CEP112: variants seen among roughly 807,000 people sequenced by gnomAD.
CEP112 encodes the protein centrosomal protein of 112 kDa.
A neutral mutation model predicts 153.0 loss-of-function variants in CEP112; 127 were observed. The ratio of observed to expected loss-of-function variants is 0.83; its 90% CI spans 0.72 to 0.96. The LOEUF (loss-of-function observed/expected upper bound fraction) is 0.96. CEP112 is among the 40% of genes least tolerant of loss of function. The probability of loss-of-function intolerance (pLI) is 0.00; values close to 1 mark genes in which losing one functional copy is unlikely to be tolerated. For missense variants in CEP112, 1,089 were observed against 1,101.2 expected (o/e 0.99, Z 0.16); for synonymous variants, 358 against 374.4 (o/e 0.96, Z 0.51).
intron 19 of CEP112, chr17:65,913,685 A>T (rs533630199): frequency 1.0e-6 from 1 of 985,426 alleles, no homozygotes; most frequent in Non-Finnish European, 1.2e-6. Flanking sequence ...AGGGCCTGCC[A>T]GCATACACTG....
intron 21 of CEP112, among the ~76,000 whole-genome samples, chr17:65,761,811 T>C (rs1158401669): frequency 1.3e-5 from 2 of 152,250 alleles, no homozygotes; most frequent in East Asian, 3.9e-4. Flanking sequence ...TGGCCCAGAA[T>C]GTAGTCTATC....
chr17:65,898,855 T>C (rs908198238), intron 20 of CEP112, among the ~76,000 whole-genome samples: 1 of 152,108 alleles, frequency 6.6e-6, no homozygotes, highest in African/African-American at 2.4e-5. Flanking sequence ...ACAAAGGTTC[T>C]ATGCAACAAT....
chr17:66,048,795 G>A (rs898141545), intron 12 of CEP112, among the ~76,000 whole-genome samples: 8 of 152,050 alleles, frequency 5.3e-5, no homozygotes, highest in African/African-American at 1.9e-4. Flanking sequence ...TTTTAGTATA[G>A]ATGGGGTTTC....
At chr17:66,143,854 C>T (rs553445376) in intron 4 of CEP112, among the ~76,000 whole-genome samples, 1 of 152,334 alleles carries the variant, frequency 6.6e-6, no homozygotes, top group South Asian at 2.1e-4. Flanking sequence ...TAAGACCTAT[C>T]ATGAAACGGG....
chr17:65,936,554 T>C (rs2144352631), intron 18 of CEP112, among the ~76,000 whole-genome samples: 1 of 152,004 alleles, frequency 6.6e-6, no homozygotes, highest in African/African-American at 2.4e-5. Flanking sequence ...AAACCCAGAA[T>C]TCAACAACAC....
At chr17:65,914,894 T>C (rs771454755) in intron 19 of CEP112, among the ~76,000 whole-genome samples, 1 of 152,204 alleles carries the variant, frequency 6.6e-6, no homozygotes, top group Admixed American at 6.5e-5. Flanking sequence ...ATTCAGACAT[T>C]GGTTCCCACA....
At chr17:65,992,664 C>T (rs1461364645) in intron 17 of CEP112, among the ~76,000 whole-genome samples, 2 of 152,140 alleles carry the variant, frequency 1.3e-5, no homozygotes, top group East Asian at 3.8e-4. Flanking sequence ...TTCTAGATGT[C>T]TCCTTAATTC....
intron 20 of CEP112, among the ~76,000 whole-genome samples, chr17:65,869,136 C>T (rs1371225651): frequency 1.3e-5 from 2 of 152,196 alleles, no homozygotes; most frequent in Non-Finnish European, 2.9e-5. Context: ...GCAAATAGAA[C>T]TTTCTTCACT....
At chr17:66,018,572 C>G (rs1451502983) in intron 16 of CEP112, among the ~76,000 whole-genome samples, 1 of 152,126 alleles carries the variant, frequency 6.6e-6, no homozygotes, top group African/African-American at 2.4e-5. Context: ...TTTCACTGCA[C>G]AATTTCATGG....
At chr17:65,752,257 G>T (rs908265873) in intron 21 of CEP112, among the ~76,000 whole-genome samples, 1 of 152,026 alleles carries the variant, frequency 6.6e-6, no homozygotes, top group Admixed American at 6.6e-5. Context: ...CTTATTCAAA[G>T]TGAGGTCTCC....
intron 17 of CEP112, among the ~76,000 whole-genome samples, chr17:65,994,557 G>C (rs2063714353): frequency 6.6e-6 from 1 of 152,134 alleles, no homozygotes; most frequent in South Asian, 2.1e-4. Flanking sequence ...TCAAACTCAT[G>C]GCCTCAAGCA....
intron 17 of CEP112, among the ~76,000 whole-genome samples, chr17:66,000,674 A>ATT (rs2064000816): frequency 6.6e-6 from 1 of 152,088 alleles, no homozygotes; most frequent in African/African-American, 2.4e-5. Context: ...TGTGCATGAT[A>ATT]TTTGGAGCAT....
At chr17:65,776,806 G>T (rs1191758517) in intron 21 of CEP112, among the ~76,000 whole-genome samples, 2 of 152,200 alleles carry the variant, frequency 1.3e-5, no homozygotes, top group Admixed American at 6.5e-5. Flanking sequence ...GTGCTTTCCA[G>T]AGAGACTGTA....
At chr17:65,839,537 T>C (rs1355820205) in intron 21 of CEP112, among the ~76,000 whole-genome samples, 1 of 151,118 alleles carries the variant, frequency 6.6e-6, no homozygotes, top group African/African-American at 2.4e-5. Context: ...AAAGGCCATA[T>C]ATGACAAACC....
intron 24 of CEP112, among the ~76,000 whole-genome samples, chr17:65,677,859 G>A (rs1408719026): frequency 6.6e-6 from 1 of 152,168 alleles, no homozygotes; most frequent in South Asian, 2.1e-4. Context: ...GCTGCAGTGA[G>A]CCAAGATTGC....
At chr17:65,741,857 TC>T (rs1191341800) in intron 23 of CEP112, among the ~76,000 whole-genome samples, 12 of 151,850 alleles carry the variant, frequency 7.9e-5, no homozygotes, top group Non-Finnish European at 1.3e-4. Flanking sequence ...TGGAGGCACT[TC>T]CTGTGCATTT....
chr17:65,908,729 C>T (rs1026081133), intron 19 of CEP112, among the ~76,000 whole-genome samples: 2 of 151,744 alleles, frequency 1.3e-5, no homozygotes, highest in African/African-American at 2.4e-5. Context: ...GCTCCACCCA[C>T]CATGCTACTC....
At chr17:66,079,456 T>C (rs1026274093) in intron 8 of CEP112, among the ~76,000 whole-genome samples, 2 of 152,144 alleles carry the variant, frequency 1.3e-5, no homozygotes, top group East Asian at 1.9e-4. Flanking sequence ...TAACATACTA[T>C]TGAGCAAAAG....
At chr17:65,780,657 A>C (rs950182895) in intron 21 of CEP112, among the ~76,000 whole-genome samples, 1 of 152,108 alleles carries the variant, frequency 6.6e-6, no homozygotes, top group Admixed American at 6.6e-5. Flanking sequence ...GTATTTAACA[A>C]ATTTTAATAA....
Sources: gnomAD v4.1 joint callset for allele counts (sites outside exome capture counted in the v4.1 genomes callset) on GRCh38, gnomAD v4.1.1 for gene constraint, MANE v1.5 for transcripts, NCBI Gene and HGNC (gene_info 2026-07-23, HGNC 2026-07-21) for gene names.